Variants in SPOPL observed in about 807,000 individuals in gnomAD.
SPOPL encodes speckle-type POZ protein-like.
SPOPL carries 23 observed loss-of-function variants against 53.8 expected under a neutral mutation model. That is an observed-to-expected ratio of 0.43 (90% CI 0.31 to 0.61). SPOPL has a LOEUF of 0.61. SPOPL is among the 20% of genes least tolerant of loss of function. SPOPL has a pLI of 0.12. For synonymous variants in SPOPL, 164 were observed against 149.7 expected (o/e 1.10, Z -0.70); for missense variants, 442 against 466.9 (o/e 0.95, Z 0.49).
intron 1 of SPOPL, among the ~76,000 whole-genome samples, chr2:138,548,654 T>C (rs2104889936): frequency 6.6e-6 from 1 of 152,170 alleles, no homozygotes; most frequent in East Asian, 1.9e-4. Context: ...TATTTTCTTA[T>C]TTGTAAAAAT....
rs753118802 is a variant in SPOPL, at chr2:138,550,998, G to A, written c.296G>A (p.Arg99Gln). ...GTCAGCTGCCCCAAAAGTGAAGTTC[G>A]AGCAAAATTCAAATTTTCCCTTCTG... ...LLVSCPKSEV[R>Q]AKFKFSLLNA... The change falls in exon 4 of 11, where the codon CGA becomes CAA. Residue 99 changes from arginine to glutamine, a missense_variant. Arg to Gln is a conservative substitution (Grantham distance 43). Coordinates refer to ENST00000280098, the MANE Select transcript of SPOPL (RefSeq NM_001001664.3). 1.4e-5 allele frequency: 23 copies of A among 1,613,292 alleles called. No individual in the cohort carries two copies. Among genetic ancestry groups the A allele is most frequent in the Admixed American group, 8.3e-5 (5 of 59,974 alleles).
chr2:138,558,301 A>G (rs1685472162), intron 5 of SPOPL, among the ~76,000 whole-genome samples: 1 of 152,210 alleles, frequency 6.6e-6, no homozygotes, highest in African/African-American at 2.4e-5. Context: ...CATAAAAATA[A>G]TACTGTAATC....
At chr2:138,509,324 A>G (rs745432693) in intron 1 of SPOPL, among the ~76,000 whole-genome samples, 1 of 152,204 alleles carries the variant, frequency 6.6e-6, no homozygotes, top group Non-Finnish European at 1.5e-5. Context: ...AACAATTAAA[A>G]ACAAAGAGGT....
At chr2:138,568,805 C>G (rs1685719028) in intron 10 of SPOPL, 131 bp from the exon 11 acceptor site, 1 of 928,938 alleles carries the variant, frequency 1.1e-6, no homozygotes, top group Admixed American at 2.6e-5. Flanking sequence ...TTAATAAAAG[C>G]AAATGATTTG....
chr2:138,559,461 A>G, intron 7 of SPOPL, 124 bp downstream of exon 7: 1 of 952,764 alleles, frequency 1.0e-6, no homozygotes, highest in East Asian at 2.7e-5. Context: ...AATTTTTACA[A>G]ACAGGAAAAA....
At position 138,511,990 on chromosome 2, in the gene SPOPL, G is replaced by A. The variant is rs554357528; in HGVS notation, c.-61+9871G>A. ...TATAGTTGTTATGAGAACTGAATGA[G>A]TTGTATATACATTTATAATGTGCTT... is the stretch of plus-strand genomic sequence containing the variant. On this transcript the variant is annotated intron_variant, in intron 1 of 10. Transcript: ENST00000280098. Among the ~76,000 whole-genome samples, 9 of 152,310 alleles carry A rather than the reference G, an allele frequency of 5.9e-5. No homozygotes were observed. The South Asian group carries it at 1.2e-3, about 21-fold the overall frequency.
intron 1 of SPOPL, among the ~76,000 whole-genome samples, chr2:138,512,115 A>C (rs902237999): frequency 1.3e-5 from 2 of 152,206 alleles, no homozygotes; most frequent in East Asian, 3.8e-4. Context: ...TAAAAGGGAG[A>C]GGAAAAGAGC....
At chr2:138,504,830 A>T (rs1394935999) in intron 1 of SPOPL, among the ~76,000 whole-genome samples, 21 of 152,228 alleles carry the variant, frequency 1.4e-4, no homozygotes, top group Admixed American at 1.4e-3. Flanking sequence ...GAGAAGAGTA[A>T]TATGCAGTCT....
rs1425684590 is a variant in SPOPL, at chr2:138,550,535, G to A, written c.131G>A (p.Cys44Tyr). The change falls in exon 3 of 11, where the codon TGT (cysteine) becomes TAT (tyrosine). Residue 44 changes from cysteine to tyrosine, a missense_variant. Physicochemically the swap from Cys to Tyr is radical, Grantham distance 194 (BLOSUM62 -2). Transcript: ENST00000280098. ...YMWTINNFSFCREEMGEVLKS... is the reference protein window; with the variant it reads ...YMWTINNFSFYREEMGEVLKS... ...TGGACCATTAATAACTTCAGTTTTT[G>A]TCGAGAGGAAATGGGTGAAGTGTTA... 1.2e-6 allele frequency: 2 copies of A among 1,611,858 alleles called. No individual in the cohort carries two copies.
At chr2:138,525,274 A>G (rs1167683175) in intron 1 of SPOPL, among the ~76,000 whole-genome samples, 2 of 152,100 alleles carry the variant, frequency 1.3e-5, no homozygotes, top group African/African-American at 2.4e-5. Flanking sequence ...CTCATTCACT[A>G]TCATGAGAAC....
rs1376663911 is a variant in SPOPL, at chr2:138,570,206, AC to A, written c.*1127del. The A allele has an allele frequency of 6.6e-6, 1 of 152,140 alleles. No individual in the cohort carries two copies. Among genetic ancestry groups the A allele is most frequent in the African/African-American group, 2.4e-5 (1 of 41,416 alleles). The allele number at this position is 152,140 out of a possible 1,614,324, so 9.4% of individuals were successfully genotyped here. A position where few individuals can be genotyped will look rare whatever the true frequency, so the allele number is the denominator to read the frequency against. ...TAGTCTACTCTCCTTCAAACAATTAACTGATACTTGCCTTTGGGAGATGCAT... is the reference window on the plus strand; with the variant it reads ...TAGTCTACTCTCCTTCAAACAATTAATGATACTTGCCTTTGGGAGATGCAT... On this transcript the variant is annotated 3_prime_UTR_variant, in exon 11 of 11. Coordinates refer to ENST00000280098, the MANE Select transcript of SPOPL (RefSeq NM_001001664.3).
intron 1 of SPOPL, among the ~76,000 whole-genome samples, chr2:138,535,168 T>C (rs2104876918): frequency 1.3e-5 from 2 of 152,256 alleles, no homozygotes; most frequent in South Asian, 4.1e-4. Flanking sequence ...CAAGACACTG[T>C]TTAAAAAAAG....
intron 5 of SPOPL, chr2:138,554,505 C>A (rs1685380892): frequency 7.8e-7 from 1 of 1,289,644 alleles, no homozygotes; most frequent in Non-Finnish European, 1.0e-6. Context: ...ACTGCCTCCT[C>A]CCCCTCCCCT....
chr2:138,507,412 C>T (rs896541995), intron 1 of SPOPL, among the ~76,000 whole-genome samples: 4 of 152,170 alleles, frequency 2.6e-5, no homozygotes, highest in Admixed American at 1.3e-4. Flanking sequence ...GGACCATGAA[C>T]GATTAAACAA....
At chr2:138,506,477 GGC>G (rs1206849151) in intron 1 of SPOPL, among the ~76,000 whole-genome samples, 1 of 152,136 alleles carries the variant, frequency 6.6e-6, no homozygotes, top group Non-Finnish European at 1.5e-5. Flanking sequence ...GGTTCAGGAT[GGC>G]AGTGATAGAG....
chr2:138,508,702 A>G (rs879928191), intron 1 of SPOPL, among the ~76,000 whole-genome samples: 1 of 152,140 alleles, frequency 6.6e-6, no homozygotes, highest in African/African-American at 2.4e-5. Context: ...TTTGGCAGAG[A>G]CGGGTCTCAC....
At chr2:138,535,555 C>CTTTTTTTTT (rs539254466) in intron 1 of SPOPL, among the ~76,000 whole-genome samples, 3 of 86,952 alleles carry the variant, frequency 3.5e-5, no homozygotes, top group Non-Finnish European at 6.7e-5. Flanking sequence ...ATTCTAGTAG[C>CTTTTTTTTT]TTTTTTTTTT....
At chr2:138,531,094 C>G (rs1240848772) in intron 1 of SPOPL, among the ~76,000 whole-genome samples, 2 of 151,944 alleles carry the variant, frequency 1.3e-5, no homozygotes, top group Non-Finnish European at 2.9e-5. Context: ...GGCTAAATTA[C>G]ATTAATAAAT....
intron 1 of SPOPL, among the ~76,000 whole-genome samples, chr2:138,522,487 T>G (rs1023737577): frequency 6.6e-6 from 1 of 152,130 alleles, no homozygotes; most frequent in African/African-American, 2.4e-5. Flanking sequence ...TGTAAATATA[T>G]TACCAACGCC....
Sources: allele counts gnomAD v4.1 joint callset (sites outside exome capture counted in the v4.1 genomes callset), GRCh38; gene constraint gnomAD v4.1.1; transcripts MANE v1.5; gene names NCBI Gene and HGNC (gene_info 2026-07-23, HGNC 2026-07-21).